Variants in MRE11 observed in about 807,000 individuals in gnomAD.
MRE11 encodes double-strand break repair protein MRE11.
In MRE11, 62 loss-of-function variants were observed where a neutral mutation model predicts 91.7. The ratio of observed to expected loss-of-function variants is 0.68; its 90% CI spans 0.55 to 0.84. MRE11 has a LOEUF of 0.84. MRE11 is among the 40% of genes least tolerant of loss of function. MRE11 has a pLI of 0.00. For synonymous variants in MRE11, 273 were observed against 271.4 expected, an observed-to-expected ratio of 1.01 and a Z score of -0.06; for missense variants, 796 against 852.9, an observed-to-expected ratio of 0.93 and a Z score of 0.83.
chr11:94,470,074 G>A (rs974040028), intron 9 of MRE11, among the ~76,000 whole-genome samples: 4 of 152,046 alleles, frequency 2.6e-5, no homozygotes, highest in African/African-American at 4.8e-5. Context: ...TGAAAGGGAC[G>A]CCTAATACAG....
Position 94,459,520 on chromosome 11 carries a change from T to C in MRE11, c.1388A>G (p.Asp463Gly). The change falls in exon 13 of 20, where the codon GAC becomes GGC. Residue 463 changes from aspartate (D) to glycine (G), a missense_variant. Physicochemically the swap from Asp to Gly is moderately conservative, Grantham distance 94 (BLOSUM62 -1). Coordinates refer to ENST00000323929, the MANE Select transcript of MRE11 (RefSeq NM_005591.4). ...GMGEAVQEFV[D>G]KEEKDAIEEL... ...CTCAATGGCATCTTTCTCCTCCTTG[T>C]CCACAAATTCTTGTACTGCTTCACC... The C allele has an allele frequency of 6.2e-7, 1 of 1,614,108 alleles. No homozygotes were observed. Among genetic ancestry groups the C allele is most frequent in the Non-Finnish European group, 8.5e-7 (1 of 1,179,952 alleles).
chr11:94,428,795 G>A (rs1180145542), intron 19 of MRE11, among the ~76,000 whole-genome samples: 3 of 151,946 alleles, frequency 2.0e-5, no homozygotes, highest in African/African-American at 4.8e-5. Flanking sequence ...CCCGGGAGGC[G>A]GAGATTGCAG....
At chr11:94,486,741 G>A (rs13447597) in intron 3 of MRE11, among the ~76,000 whole-genome samples, 1,603 of 152,226 alleles carry the variant, frequency 0.011, 33 homozygotes, top group African/African-American at 0.037. Flanking sequence ...AGGACAATTC[G>A]CCTGAGGACA....
rs115389392 is a variant in MRE11 at position 94,486,782 on chromosome 11, G to A, written c.154-698C>T. Among the ~76,000 whole-genome samples, 924 of 152,236 alleles carry A rather than the reference G, an allele frequency of 6.1e-3. 5 individuals are homozygous for A. Among genetic ancestry groups the A allele is most frequent in the African/African-American group, 0.02 (836 of 41,540 alleles). On this transcript the variant is annotated intron_variant, in intron 3 of 19. Coordinates refer to ENST00000323929, the MANE Select transcript of MRE11 (RefSeq NM_005591.4). ...TCTAGAAGGAATGAACTAACATGGT[G>A]GCATGTTAGTTGCACTAGGAAAGAT...
rs371132080 is a variant in MRE11, at chr11:94,448,402, C to A, written c.1564-964G>T. On this transcript the variant is annotated intron_variant, in intron 14 of 19. Coordinates refer to ENST00000323929, the MANE Select transcript of MRE11 (RefSeq NM_005591.4). ...GACCAGCCTGGGCAACATGGCGAGA[C>A]CCTGCCTCCACCAAAAATACAAAAA... 7.9e-5 allele frequency among the ~76,000 whole-genome samples: 12 copies of A among 151,818 alleles called. No individual in the cohort carries two copies. In the East Asian group the frequency reaches 1.9e-3, roughly 25 times the overall value.
At chr11:94,431,462 T>C (rs1362367189) in intron 18 of MRE11, among the ~76,000 whole-genome samples, 1 of 152,242 alleles carries the variant, frequency 6.6e-6, no homozygotes, top group East Asian at 1.9e-4. Flanking sequence ...TGATTTCTGA[T>C]GTGTTTCCAA....
intron 19 of MRE11, 31 bp downstream of exon 19, chr11:94,429,876 AAATT>A (rs746580211): frequency 4.0e-5 from 62 of 1,535,782 alleles, no homozygotes; most frequent in Non-Finnish European, 5.3e-5. Context: ...ATAAAGTTAA[AAATT>A]AATTAAAATT....
At chr11:94,470,766 T>C in intron 8 of MRE11, 124 bp from the exon 9 acceptor site, 1 of 993,172 alleles carries the variant, frequency 1.0e-6, no homozygotes, top group Non-Finnish European at 1.5e-6. Context: ...CTCTTAAAAA[T>C]AAATGTTTCT....
At chr11:94,486,185 T>C (rs934171186) in intron 3 of MRE11, 101 bp from the exon 4 acceptor site, 10 of 1,114,614 alleles carry the variant, frequency 9.0e-6, no homozygotes, top group South Asian at 5.7e-5. Context: ...AAAGACACTA[T>C]TATATATGGC....
At chr11:94,463,673 C>T (rs13447653) in intron 11 of MRE11, among the ~76,000 whole-genome samples, 39 of 152,046 alleles carry the variant, frequency 2.6e-4, no homozygotes, top group African/African-American at 8.4e-4. Context: ...GAGCAAACTA[C>T]CGCAAGGACA....
chr11:94,460,041 C>G (rs562026200), intron 12 of MRE11, among the ~76,000 whole-genome samples: 1 of 151,930 alleles, frequency 6.6e-6, no homozygotes, highest in Non-Finnish European at 1.5e-5. Context: ...CAGATGGGAG[C>G]TGGAAGGAAA....
intron 3 of MRE11, among the ~76,000 whole-genome samples, chr11:94,488,540 A>G (rs1427090035): frequency 6.6e-6 from 1 of 152,184 alleles, no homozygotes; most frequent in East Asian, 1.9e-4. Flanking sequence ...TAGCAAAGAC[A>G]TGGAATCAAC....
chr11:94,484,785 G>A (rs1199013319), intron 4 of MRE11, among the ~76,000 whole-genome samples: 2 of 152,160 alleles, frequency 1.3e-5, no homozygotes, highest in African/African-American at 2.4e-5. Flanking sequence ...ATTGAGGGAC[G>A]TTCTACAAAA....
At chr11:94,435,747 G>A in intron 18 of MRE11, 85 bp downstream of exon 18, 2 of 1,138,034 alleles carry the variant, frequency 1.8e-6, no homozygotes, top group Admixed American at 3.4e-5. Context: ...AACTTACATG[G>A]CATAGAAAAA....
At chr11:94,503,096 A>AT in the MRE11 span, among the ~76,000 whole-genome samples, 24 of 152,120 alleles carry the variant, frequency 1.6e-4, no homozygotes, top group Middle Eastern at 3.4e-3. Flanking sequence ...AGTTCATAGT[A>AT]TTTTTTTTAT....
rs145058858 is a variant in MRE11, at chr11:94,464,111, A to G, written c.1225+2T>C. On this transcript the variant is annotated splice_donor_variant, in intron 11 of 19. Coordinates refer to ENST00000323929, the MANE Select transcript of MRE11 (RefSeq NM_005591.4). LOFTEE classifies it high-confidence loss of function. Reference sequence around the variant, plus strand: ...TTTACCTCATAAAAATAACTAGCTTACCTGTTTTTTCCTTTTGTTCTCTAT... The same window carrying G: ...TTTACCTCATAAAAATAACTAGCTTGCCTGTTTTTTCCTTTTGTTCTCTAT... 1.2e-6 allele frequency: 2 copies of G among 1,612,890 alleles called. No individual in the cohort carries two copies. Among genetic ancestry groups the G allele is most frequent in the Middle Eastern group, 1.8e-4 (1 of 5,484 alleles).
intron 6 of MRE11, among the ~76,000 whole-genome samples, chr11:94,477,578 A>G (rs1055832461): frequency 1.3e-5 from 2 of 152,178 alleles, no homozygotes; most frequent in African/African-American, 4.8e-5. Flanking sequence ...CTAGCTCCCA[A>G]GGAGAATGCT....
chr11:94,466,479 T>G (rs773359330), intron 10 of MRE11: 3 of 531,784 alleles, frequency 5.6e-6, no homozygotes, highest in African/African-American at 1.9e-5. Flanking sequence ...TCCATTTAGA[T>G]CTCATAAATC....
At chr11:94,488,432 A>G (rs1399630113) in intron 3 of MRE11, among the ~76,000 whole-genome samples, 1 of 152,200 alleles carries the variant, frequency 6.6e-6, no homozygotes, top group Non-Finnish European at 1.5e-5. Flanking sequence ...CTACCATTTG[A>G]CCCAGCAATT....
Sources: gnomAD v4.1 joint callset for allele counts (sites outside exome capture counted in the v4.1 genomes callset) on GRCh38, gnomAD v4.1.1 for gene constraint, MANE v1.5 for transcripts, NCBI Gene and HGNC (gene_info 2026-07-23, HGNC 2026-07-21) for gene names.